The following NTRK3 variants were observed in gnomAD, a reference collection of about 807,000 sequenced individuals.
NTRK3 encodes the protein neurotrophic receptor tyrosine kinase 3, also known as NT-3 growth factor receptor.
A neutral mutation model predicts 91.7 loss-of-function variants in NTRK3; 24 were observed. That is an observed-to-expected ratio of 0.26 (90% confidence interval 0.19 to 0.37). The LOEUF is 0.37. Among genes scored for constraint, NTRK3 ranks in the 10% least tolerant of loss-of-function variants. NTRK3 has a pLI of 1.00. For synonymous variants in NTRK3, 483 were observed against 404.0 expected (o/e 1.20, Z -2.34); for missense variants, 880 against 1,068.9 (o/e 0.82, Z 2.46).
At chr15:88,018,079 G>A (rs899254089) in intron 14 of NTRK3, among the ~76,000 whole-genome samples, 3 of 152,260 alleles carry the variant, frequency 2.0e-5, no homozygotes, top group African/African-American at 7.2e-5. Context: ...AGGAGACTCG[G>A]CCAAAAATAG....
chr15:88,024,012 T>A (rs1401456232), intron 14 of NTRK3, among the ~76,000 whole-genome samples: 1 of 152,234 alleles, frequency 6.6e-6, no homozygotes, highest in Non-Finnish European at 1.5e-5. Flanking sequence ...AAGCGATGTT[T>A]GTTAGCATAG....
intron 5 of NTRK3, among the ~76,000 whole-genome samples, chr15:88,162,389 G>A (rs778203630): frequency 1.3e-5 from 2 of 152,164 alleles, no homozygotes; most frequent in Non-Finnish European, 2.9e-5. Flanking sequence ...AATATTGCCA[G>A]TAAGGACTCA....
chr15:88,134,730 T>A (rs1052963423), intron 10 of NTRK3, among the ~76,000 whole-genome samples: 2 of 152,176 alleles, frequency 1.3e-5, no homozygotes, highest in African/African-American at 4.8e-5. Context: ...TCATGACTAT[T>A]TCATAGAAAA....
chr15:88,141,739 C>G (rs116798917), intron 6 of NTRK3, among the ~76,000 whole-genome samples: 2 of 152,202 alleles, frequency 1.3e-5, no homozygotes, highest in South Asian at 2.1e-4. Flanking sequence ...TCATGGCCCC[C>G]CAAAGGCAGA....
At chr15:87,950,062 G>T (rs967980936) in intron 14 of NTRK3, among the ~76,000 whole-genome samples, 1 of 152,134 alleles carries the variant, frequency 6.6e-6, no homozygotes, top group Non-Finnish European at 1.5e-5. Context: ...ATGCTGCCTT[G>T]GCCTCTCATT....
At chr15:88,063,387 T>C (rs1341254545) in intron 13 of NTRK3, among the ~76,000 whole-genome samples, 2 of 152,234 alleles carry the variant, frequency 1.3e-5, no homozygotes, top group East Asian at 3.8e-4. Flanking sequence ...AAATTTCCAA[T>C]CTGTCTGAAG....
intron 13 of NTRK3, among the ~76,000 whole-genome samples, chr15:88,115,962 G>T (rs1156310097): frequency 2.0e-5 from 3 of 152,068 alleles, no homozygotes; most frequent in African/African-American, 7.2e-5. Flanking sequence ...ATCAGGGGTG[G>T]GAGGGAGAGC....
chr15:87,939,864 G>A (rs1032400389), intron 15 of NTRK3, among the ~76,000 whole-genome samples: 5 of 152,208 alleles, frequency 3.3e-5, no homozygotes. Flanking sequence ...TTTACAAAGA[G>A]AAGCTGTTGA....
intron 17 of NTRK3, among the ~76,000 whole-genome samples, chr15:87,898,823 T>TAA (rs34425235): frequency 0.15 from 15,998 of 103,628 alleles, 1,640 homozygotes; most frequent in African/African-American, 0.31. Context: ...CTGTCTCTAC[T>TAA]AAAAAAAAAA....
At chr15:87,866,848 G>C (rs1204954341) in exon 19 of NTRK3, 1 of 205,336 alleles carries the variant, frequency 4.9e-6, no homozygotes, top group African/African-American at 2.3e-5. Flanking sequence ...CTGCAAATCT[G>C]TGTGTCAATA....
At chr15:88,189,639 T>C (rs1015985406) in intron 3 of NTRK3, among the ~76,000 whole-genome samples, 3 of 152,116 alleles carry the variant, frequency 2.0e-5, no homozygotes, top group African/African-American at 7.2e-5. Context: ...AGACAGGTTT[T>C]CACCATGTTG....
At chr15:88,004,220 G>A (rs2076325974) in intron 14 of NTRK3, among the ~76,000 whole-genome samples, 2 of 152,034 alleles carry the variant, frequency 1.3e-5, no homozygotes, top group Non-Finnish European at 2.9e-5. Context: ...TGCCCCTCCT[G>A]GCATCCCTGA....
rs11857122 is a variant in NTRK3 at position 88,147,106 on chromosome 15, A to C, written c.464+229T>G. Among the ~76,000 whole-genome samples, 1,385 of 152,298 alleles carry C rather than the reference A, an allele frequency of 9.1e-3. 30 individuals are homozygous for C. The highest frequency in any genetic ancestry group is 0.031 in the African/African-American group (1,299 of 41,558). ...TCACAAAACTAAGTCATAATAAAAG[A>C]AGAGACTCCTGTCTTCTGAAATAGA... On this transcript the variant is annotated intron_variant, in intron 6 of 18. Coordinates refer to ENST00000394480, the Ensembl canonical transcript of NTRK3.
exon 19 of NTRK3, chr15:87,866,948 C>T (rs1337518974): frequency 9.3e-6 from 2 of 214,788 alleles, no homozygotes; most frequent in Non-Finnish European, 1.9e-5. Context: ...CTCATAGGGG[C>T]CTAGAAAAAA....
intron 17 of NTRK3, among the ~76,000 whole-genome samples, chr15:87,912,123 G>A (rs1014676884): frequency 1.3e-5 from 2 of 152,130 alleles, no homozygotes; most frequent in African/African-American, 4.8e-5. Context: ...CGTTGCTGCT[G>A]GTTGCTTTAA....
At chr15:87,973,632 T>C (rs2073448383) in intron 14 of NTRK3, among the ~76,000 whole-genome samples, 1 of 151,652 alleles carries the variant, frequency 6.6e-6, no homozygotes, top group African/African-American at 2.4e-5. Context: ...TCAGCCAGCA[T>C]TAAAGATTGG....
rs1182642335 is a variant in NTRK3 at position 87,933,537 on chromosome 15, T to A, written c.1717-353A>T. Among the ~76,000 whole-genome samples, 5 of 152,326 alleles carry A rather than the reference T, an allele frequency of 3.3e-5. No individual in the cohort carries two copies. In the East Asian group the frequency reaches 7.7e-4, roughly 23 times the overall value. ...CTGGCAAAAGCCCCTGCTCCTAAGG[T>A]TTTCTTTGAGGAAACTGTCCCACAG... is the stretch of plus-strand genomic sequence containing the variant. On this transcript the variant is annotated intron_variant, in intron 15 of 18. Coordinates refer to ENST00000394480, the Ensembl canonical transcript of NTRK3.
At chr15:88,117,566 C>T (rs1365075989) in intron 13 of NTRK3, among the ~76,000 whole-genome samples, 1 of 152,212 alleles carries the variant, frequency 6.6e-6, no homozygotes, top group Non-Finnish European at 1.5e-5. Context: ...GACCTGTGAC[C>T]TGACTCTGTG....
chr15:87,920,570 C>T (rs1182273587), intron 17 of NTRK3, among the ~76,000 whole-genome samples: 1 of 152,184 alleles, frequency 6.6e-6, no homozygotes, highest in South Asian at 2.1e-4. Context: ...AGAACAGTAA[C>T]TCCAGCCCTG....
Sources: gnomAD v4.1 joint callset for allele counts (sites outside exome capture counted in the v4.1 genomes callset) on GRCh38, gnomAD v4.1.1 for gene constraint, MANE v1.5 for transcripts, NCBI Gene and HGNC (gene_info 2026-07-23, HGNC 2026-07-21) for gene names.